Variants in GPC3 observed in about 807,000 individuals in gnomAD.
GPC3 encodes glypican-3.
GPC3 carries 3 observed loss-of-function variants against 34.4 expected under a neutral mutation model. The observed-to-expected ratio is 0.09, with a 90% CI of 0.04 to 0.23. The LOEUF is 0.23. Ranked by LOEUF, GPC3 falls within the 10% of genes least tolerant of loss-of-function variation. The pLI is 1.00. For missense variants in GPC3, 351 were observed against 445.6 expected, an observed-to-expected ratio of 0.79 and a Z score of 1.91; for synonymous variants, 177 against 174.0, an observed-to-expected ratio of 1.02 and a Z score of -0.13.
chrX:133,958,818 G>A (rs1311657013), intron 1 of GPC3, among the ~76,000 whole-genome samples: 3 of 105,706 alleles, frequency 2.8e-5, no homozygotes, highest in East Asian at 3.0e-4. Context: ...CCCAGGAGGC[G>A]GAGGTTGCAG....
intron 2 of GPC3, among the ~76,000 whole-genome samples, chrX:133,788,088 T>TTATATATATATATATATATATATA (rs56318773): frequency 2.2e-4 from 14 of 64,914 alleles, no homozygotes; most frequent in South Asian, 1.1e-3. Context: ...TCATATTATT[T>TTATATATATATATATATATATATA]TATATATATA....
intron 2 of GPC3, among the ~76,000 whole-genome samples, chrX:133,768,202 C>T (rs1034456594): frequency 3.6e-5 from 4 of 110,958 alleles, no homozygotes; most frequent in South Asian, 3.9e-4. Context: ...AATGCCTATA[C>T]GCAGAGGGGG....
At chrX:133,830,267 C>T (rs1004699414) in intron 2 of GPC3, among the ~76,000 whole-genome samples, 1 of 111,549 alleles carries the variant, frequency 9.0e-6, no homozygotes, top group Non-Finnish European at 1.9e-5. Flanking sequence ...GGCTTGAAGG[C>T]AATTCAGTGG....
chrX:133,882,402 A>T (rs1016852358), intron 2 of GPC3, among the ~76,000 whole-genome samples: 2 of 111,639 alleles, frequency 1.8e-5, no homozygotes, highest in African/African-American at 6.5e-5. Flanking sequence ...TTTGCTCCTG[A>T]AAGACACTGG....
In GPC3 at chrX:133,753,879, G is replaced by A; in HGVS notation, c.635C>T (p.Pro212Leu). ...RRDLKVFGNF[P>L]KLIMTQVSKS... Reference sequence around the variant, plus strand: ...GGAAACCTGGGTCATAATAAGCTTGGGGAAATTCCCAAATACTTTCAGGTC... The same window carrying A: ...GGAAACCTGGGTCATAATAAGCTTGAGGAAATTCCCAAATACTTTCAGGTC... The change falls in exon 3 of 8, where the codon CCC becomes CTC. Residue 212 changes from proline (P) to leucine (L), a missense_variant. Transcript: ENST00000370818. 8.3e-7 allele frequency: 1 copy of A among 1,211,703 alleles called. No homozygotes were observed. The highest frequency in any genetic ancestry group is 1.1e-6 in the Non-Finnish European group (1 of 895,407).
At chrX:133,802,871 T>C (rs955923889) in intron 2 of GPC3, among the ~76,000 whole-genome samples, 2 of 109,799 alleles carry the variant, frequency 1.8e-5, no homozygotes, top group African/African-American at 6.6e-5. Flanking sequence ...AGTAAAAGAC[T>C]TGGAGATGTG....
chrX:133,597,786 GT>G (rs1414680538), intron 6 of GPC3, among the ~76,000 whole-genome samples: 4 of 110,948 alleles, frequency 3.6e-5, no homozygotes, highest in African/African-American at 1.3e-4. Flanking sequence ...AGAGATTTTT[GT>G]TTTTGTTTTT....
intron 3 of GPC3, chrX:133,704,205 C>T (rs759847296): frequency 2.8e-6 from 3 of 1,066,215 alleles, no homozygotes; most frequent in Middle Eastern, 2.5e-4. Flanking sequence ...TTCACTCTAC[C>T]TGTAAGTCTA....
At chrX:133,800,655 G>A (rs1264675196) in intron 2 of GPC3, among the ~76,000 whole-genome samples, 1 of 111,880 alleles carries the variant, frequency 8.9e-6, no homozygotes, top group African/African-American at 3.3e-5. Flanking sequence ...AATACGGCGG[G>A]CTACAAATTC....
intron 3 of GPC3, among the ~76,000 whole-genome samples, chrX:133,751,445 G>A (rs1390055862): frequency 8.9e-6 from 1 of 112,290 alleles, no homozygotes; most frequent in Admixed American, 9.4e-5. Flanking sequence ...GAAGAACACC[G>A]TAATTAGATA....
chrX:133,920,599 T>G (rs2076244237), intron 2 of GPC3, among the ~76,000 whole-genome samples: 1 of 111,428 alleles, frequency 9.0e-6, no homozygotes, highest in African/African-American at 3.3e-5. Context: ...TACACATGTA[T>G]ATTGTTAAGA....
At chrX:133,860,459 A>C (rs754039688) in intron 2 of GPC3, among the ~76,000 whole-genome samples, 1 of 111,688 alleles carries the variant, frequency 9.0e-6, no homozygotes, top group Admixed American at 9.5e-5. Flanking sequence ...GTGAAAAACT[A>C]TGACCACTAA....
chrX:133,870,848 G>A (rs897112679), intron 2 of GPC3, among the ~76,000 whole-genome samples: 2 of 111,948 alleles, frequency 1.8e-5, no homozygotes, highest in African/African-American at 3.3e-5. Context: ...TAAATGGGAT[G>A]GTCACGTCTA....
chrX:133,914,511 G>C (rs1225651157), intron 2 of GPC3, among the ~76,000 whole-genome samples: 1 of 110,801 alleles, frequency 9.0e-6, no homozygotes, highest in East Asian at 2.8e-4. Flanking sequence ...GAAAAAATAA[G>C]CCTCCTGTCT....
intron 1 of GPC3, 30 bp downstream of exon 1, chrX:133,985,245 G>A (rs759330240): frequency 8.3e-7 from 1 of 1,203,921 alleles, no homozygotes; most frequent in Non-Finnish European, 1.1e-6. Flanking sequence ...CCCGCTGGGC[G>A]CTAGGCACGC....
At chrX:133,907,513 T>C (rs2076174496) in intron 2 of GPC3, among the ~76,000 whole-genome samples, 1 of 112,035 alleles carries the variant, frequency 8.9e-6, no homozygotes, top group East Asian at 2.8e-4. Context: ...CATTGTGGTA[T>C]AAGACTTCAT....
At chrX:133,732,096 G>A (rs1348775571) in intron 3 of GPC3, among the ~76,000 whole-genome samples, 1 of 111,522 alleles carries the variant, frequency 9.0e-6, no homozygotes, top group Non-Finnish European at 1.9e-5. Flanking sequence ...GTGTGTGAAG[G>A]AAATAAAGGA....
chrX:133,830,486 C>A (rs1399933590), intron 2 of GPC3, among the ~76,000 whole-genome samples: 1 of 109,519 alleles, frequency 9.1e-6, no homozygotes, highest in Non-Finnish European at 1.9e-5. Flanking sequence ...CGAGACCAGC[C>A]TGGCCAACAT....
At chrX:133,672,255 A>G (rs2070834344) in intron 5 of GPC3, among the ~76,000 whole-genome samples, 1 of 111,686 alleles carries the variant, frequency 9.0e-6, no homozygotes, top group African/African-American at 3.3e-5. Context: ...GAGGCTAGAG[A>G]TAAAGAGAGA....
Sources: gnomAD v4.1 joint callset for allele counts (sites outside exome capture counted in the v4.1 genomes callset) on GRCh38, gnomAD v4.1.1 for gene constraint, MANE v1.5 for transcripts, NCBI Gene and HGNC (gene_info 2026-07-23, HGNC 2026-07-21) for gene names.